Variants in GLIS3 observed in about 807,000 individuals in gnomAD.
The protein encoded by GLIS3 is zinc finger protein GLIS3.
A neutral mutation model predicts 78.6 loss-of-function variants in GLIS3; 53 were observed. The observed-to-expected ratio is 0.67, with a 90% confidence interval of 0.54 to 0.85. The LOEUF is 0.85. Among genes scored for constraint, GLIS3 ranks in the 40% least tolerant of loss-of-function variants. The probability of loss-of-function intolerance (pLI) is 0.00; values close to 1 mark genes in which losing one functional copy is unlikely to be tolerated. For synonymous variants in GLIS3, 684 were observed against 509.9 expected, an observed-to-expected ratio of 1.34 and a Z score of -4.60; for missense variants, 1,703 against 1,231.1, an observed-to-expected ratio of 1.38 and a Z score of -5.74.
At chr9:4,125,633 A>AGTGTATGAGTGTGT (rs1554708752) in intron 3 of GLIS3, 101 bp downstream of exon 3, 1 of 688,184 alleles carries the variant, frequency 1.5e-6, no homozygotes, top group Non-Finnish European at 2.6e-6. Context: ...TAAGTGTATG[A>AGTGTATGAGTGTGT]GTGTGTGTGT....
At chr9:3,972,042 C>T (rs1027437730) in intron 4 of GLIS3, among the ~76,000 whole-genome samples, 1 of 152,130 alleles carries the variant, frequency 6.6e-6, no homozygotes. Context: ...TTACTGCTCA[C>T]GTAACACACT....
intron 4 of GLIS3, among the ~76,000 whole-genome samples, chr9:4,008,506 C>T (rs1821737237): frequency 1.3e-5 from 2 of 152,192 alleles, no homozygotes; most frequent in African/African-American, 4.8e-5. Flanking sequence ...GCAGGGCTTG[C>T]AGAATTCTGT....
At chr9:3,884,329 A>C (rs1374254323) in intron 7 of GLIS3, among the ~76,000 whole-genome samples, 1 of 152,188 alleles carries the variant, frequency 6.6e-6, no homozygotes, top group Non-Finnish European at 1.5e-5. Flanking sequence ...GAAGGCTACT[A>C]TAGGCATTGC....
intron 9 of GLIS3, among the ~76,000 whole-genome samples, chr9:3,846,304 C>T (rs1819036154): frequency 6.6e-6 from 1 of 152,166 alleles, no homozygotes; most frequent in South Asian, 2.1e-4. Flanking sequence ...GCTTTGGGGT[C>T]AGACTGGGTT....
chr9:4,384,109 G>T, the GLIS3 span, among the ~76,000 whole-genome samples: 11 of 152,176 alleles, frequency 7.2e-5, no homozygotes, highest in African/African-American at 2.7e-4. Context: ...GGCCTTTGGG[G>T]GTTAACCAGT....
At position 4,057,889 on chromosome 9, in the gene GLIS3, C is replaced by G. The variant is rs78447786; in HGVS notation, c.1710+59879G>C. ...AGATGTACACGGCCTCGCTAAGAAC[C>G]TTGATCTTTTTCACATGTAAAAAAA... is the stretch of plus-strand genomic sequence containing the variant. On this transcript the variant is annotated intron_variant, in intron 4 of 10. Coordinates refer to ENST00000381971, the MANE Select transcript of GLIS3 (RefSeq NM_001042413.2). Among the ~76,000 whole-genome samples the G allele has an allele frequency of 2.6e-3, 392 of 152,198 alleles. 3 individuals are homozygous for G. Among genetic ancestry groups the G allele is most frequent in the African/African-American group, 9.1e-3 (378 of 41,542 alleles).
intron 2 of GLIS3, among the ~76,000 whole-genome samples, chr9:4,177,537 CCTCCCAT>C (rs1816919469): frequency 1.3e-5 from 2 of 152,174 alleles, no homozygotes; most frequent in Non-Finnish European, 2.9e-5. Context: ...TCACTCAACT[CCTCCCAT>C]AGCTTCTGAG....
chr9:3,904,447 T>A (rs1823523519), intron 6 of GLIS3, among the ~76,000 whole-genome samples: 1 of 152,130 alleles, frequency 6.6e-6, no homozygotes, highest in African/African-American at 2.4e-5. Flanking sequence ...GAAGCCAATT[T>A]CTTGAAATTA....
chr9:4,099,469 T>G (rs2130793016), intron 4 of GLIS3, among the ~76,000 whole-genome samples: 1 of 152,226 alleles, frequency 6.6e-6, no homozygotes, highest in Non-Finnish European at 1.5e-5. Context: ...ACACATGTCT[T>G]TGTGTCCAAC....
intron 2 of GLIS3, among the ~76,000 whole-genome samples, chr9:4,214,375 T>C (rs1402724255): frequency 2.0e-5 from 3 of 152,174 alleles, no homozygotes; most frequent in Admixed American, 2.0e-4. Flanking sequence ...CTGGATTACT[T>C]AGTGTCACAA....
chr9:4,403,406 C>T, the GLIS3 span, among the ~76,000 whole-genome samples: 51 of 152,184 alleles, frequency 3.4e-4, 2 homozygotes, highest in South Asian at 0.01. Context: ...CACAGAAAAA[C>T]ACAGAATAAT....
chr9:4,091,744 G>C (rs1829521420), intron 4 of GLIS3, among the ~76,000 whole-genome samples: 1 of 152,070 alleles, frequency 6.6e-6, no homozygotes, highest in South Asian at 2.1e-4. Flanking sequence ...ATGATTGTCA[G>C]TTTCCTGAGG....
At chr9:4,253,018 G>C (rs1824543590) in intron 2 of GLIS3, among the ~76,000 whole-genome samples, 1 of 152,204 alleles carries the variant, frequency 6.6e-6, no homozygotes, top group Admixed American at 6.5e-5. Context: ...CCAGATGCCA[G>C]CTGAAGCTCT....
chr9:4,462,811 A>G, the GLIS3 span, among the ~76,000 whole-genome samples: 1 of 152,324 alleles, frequency 6.6e-6, no homozygotes, highest in East Asian at 1.9e-4. Flanking sequence ...TCTTGCCTCA[A>G]AAAAAGAAAA....
At chr9:4,386,121 A>C in the GLIS3 span, among the ~76,000 whole-genome samples, 12 of 152,212 alleles carry the variant, frequency 7.9e-5, no homozygotes, top group Admixed American at 6.5e-4. Flanking sequence ...TTGTAACAGC[A>C]CATGTCCACA....
At chr9:4,369,366 G>T in the GLIS3 span, among the ~76,000 whole-genome samples, 1 of 152,212 alleles carries the variant, frequency 6.6e-6, no homozygotes, top group African/African-American at 2.4e-5. Flanking sequence ...TCTCTCATCT[G>T]TAAAATAAGA....
intron 4 of GLIS3, among the ~76,000 whole-genome samples, chr9:4,083,079 G>A (rs1828699024): frequency 6.6e-6 from 1 of 151,996 alleles, no homozygotes; most frequent in East Asian, 1.9e-4. Context: ...GTTCCCTTTG[G>A]GTTTGAGATA....
chr9:4,418,114 G>C, the GLIS3 span, among the ~76,000 whole-genome samples: 10 of 152,160 alleles, frequency 6.6e-5, no homozygotes, highest in Non-Finnish European at 1.0e-4. Context: ...TGGGCTAGAG[G>C]TCTTAATCTT....
At chr9:3,884,701 C>T (rs1327622707) in intron 7 of GLIS3, among the ~76,000 whole-genome samples, 4 of 152,116 alleles carry the variant, frequency 2.6e-5, no homozygotes, top group Non-Finnish European at 5.9e-5. Flanking sequence ...CCCCAGTTTG[C>T]TGATGAGGAA....
Sources: allele counts gnomAD v4.1 joint callset (sites outside exome capture counted in the v4.1 genomes callset), GRCh38; gene constraint gnomAD v4.1.1; transcripts MANE v1.5; gene names NCBI Gene and HGNC (gene_info 2026-07-23, HGNC 2026-07-21).